RPS6KA2: variants seen among roughly 807,000 people sequenced by gnomAD.
RPS6KA2 encodes the protein ribosomal protein S6 kinase A2, also known as ribosomal protein S6 kinase alpha-2.
In RPS6KA2, 42 loss-of-function variants were observed where a neutral mutation model predicts 91.8. The ratio of observed to expected loss-of-function variants is 0.46; its 90% confidence interval spans 0.36 to 0.59. The LOEUF is 0.59. Ranked by LOEUF, RPS6KA2 falls within the 20% of genes least tolerant of loss-of-function variation. RPS6KA2 has a pLI of 0.00. For missense variants in RPS6KA2, 798 were observed against 978.5 expected (o/e 0.82, Z 2.46); for synonymous variants, 414 against 393.6 (o/e 1.05, Z -0.61).
rs553704752 is a variant in RPS6KA2 at position 166,623,661 on chromosome 6, G to A, written c.99+3260C>T. 2.6e-4 allele frequency among the ~76,000 whole-genome samples: 39 copies of A among 152,288 alleles called. No individual in the cohort carries two copies. The South Asian group carries it at 6.4e-3, about 25-fold the overall frequency. On this transcript the variant is annotated intron_variant, in intron 1 of 20. Coordinates refer to ENST00000265678, the MANE Select transcript of RPS6KA2 (RefSeq NM_021135.6). ...AGGTTACTCTGCCCAGCAATGTGTC[G>A]TGGTTCTTAGGCAATACTGTCAATG...
At chr6:166,745,500 A>T (rs527752102) in intron 2 of RPS6KA2, among the ~76,000 whole-genome samples, 1 of 152,202 alleles carries the variant, frequency 6.6e-6, no homozygotes, top group South Asian at 2.1e-4. Flanking sequence ...ACAAGGGCCC[A>T]CCTTCAAGAC....
intron 10 of RPS6KA2, among the ~76,000 whole-genome samples, chr6:166,475,992 C>A (rs1780959167): frequency 6.6e-6 from 1 of 152,196 alleles, no homozygotes. Flanking sequence ...AAGCCCTAAT[C>A]CCCAATATCC....
In RPS6KA2 at chr6:166,451,154, C is replaced by A. The variant is rs761950699; in HGVS notation, c.1155G>T (p.Gln385His). The change falls in exon 13 of 21, where the codon CAG (glutamine) becomes CAT (histidine). Residue 385 changes from glutamine to histidine, a missense_variant. Coordinates refer to ENST00000265678, the MANE Select transcript of RPS6KA2 (RefSeq NM_021135.6). ...TGTGCAGATCTTGCTGTGAGGGCTC[C>A]TGGATCAGGCTTGAGGCCACAAAGC... ...GFSFVASSLI[Q>H]EPSQQDLHKV... 6.2e-7 allele frequency: 1 copy of A among 1,614,070 alleles called. No homozygotes were observed. The highest frequency in any genetic ancestry group is 1.7e-5 in the Admixed American group (1 of 60,022).
chr6:166,707,853 C>G (rs1350997624), intron 2 of RPS6KA2, among the ~76,000 whole-genome samples: 1 of 152,140 alleles, frequency 6.6e-6, no homozygotes, highest in Non-Finnish European at 1.5e-5. Flanking sequence ...AAGCAATCCT[C>G]CCGCCTCAGC....
chr6:166,571,179 G>A (rs981852961), intron 1 of RPS6KA2, among the ~76,000 whole-genome samples: 11 of 152,196 alleles, frequency 7.2e-5, no homozygotes, highest in African/African-American at 2.2e-4. Flanking sequence ...AACAGTAAGC[G>A]CGGGACCAAC....
chr6:166,794,472 G>A (rs75217888), intron 2 of RPS6KA2, among the ~76,000 whole-genome samples: 148,413 of 151,592 alleles, frequency 0.98, 72,730 homozygotes, highest in East Asian at 1. Context: ...CTAGAACTAG[G>A]AATACCGTTT....
chr6:166,590,761 TAA>T (rs903661297), intron 1 of RPS6KA2, among the ~76,000 whole-genome samples: 1 of 148,794 alleles, frequency 6.7e-6, no homozygotes, highest in African/African-American at 2.5e-5. Flanking sequence ...TTTAAAAAAT[TAA>T]AAAAAAAACC....
In RPS6KA2 at chr6:166,423,517, T is replaced by A; in HGVS notation, c.1582-100A>T. 8.3e-7 allele frequency: 1 copy of A among 1,198,434 alleles called. No homozygotes were observed. The highest frequency in any genetic ancestry group is 1.2e-6 in the Non-Finnish European group (1 of 854,926). The allele number at this position is 1,198,434 out of a possible 1,614,324, so 74.2% of individuals were successfully genotyped here. A position where few individuals can be genotyped will look rare whatever the true frequency, so the allele number is the denominator to read the frequency against. ...GGGGAGGGTGCATTTGGGAACTGTC[T>A]TCCTAGCAGGTCCTGCAAGCAGGCA... On this transcript the variant is annotated intron_variant, in intron 16 of 20. Transcript: ENST00000265678. This position sits in a 1 kb window ranked among gnomAD's most constrained non-coding sequence, Gnocchi z 4.8.
chr6:166,502,197 A>G (rs1782051790), intron 6 of RPS6KA2, among the ~76,000 whole-genome samples: 1 of 152,212 alleles, frequency 6.6e-6, no homozygotes. Context: ...AACGTGGTGA[A>G]AACTGTAAAA....
chr6:166,451,403 T>G (rs538227915), intron 12 of RPS6KA2, among the ~76,000 whole-genome samples, 170 bp from the exon 13 acceptor site: 44 of 150,728 alleles, frequency 2.9e-4, no homozygotes, highest in Non-Finnish European at 5.2e-4. Flanking sequence ...AAAACAGACA[T>G]GTAGAAATGC....
At chr6:166,578,550 A>C (rs1282058509) in intron 1 of RPS6KA2, among the ~76,000 whole-genome samples, 2 of 152,240 alleles carry the variant, frequency 1.3e-5, no homozygotes, top group Non-Finnish European at 2.9e-5. Context: ...AATGCAGAAG[A>C]AAGCAAGCAT....
chr6:166,667,278 A>C (rs1788342500), intron 2 of RPS6KA2, among the ~76,000 whole-genome samples: 1 of 152,212 alleles, frequency 6.6e-6, no homozygotes, highest in African/African-American at 2.4e-5. Flanking sequence ...ATAATTAAAA[A>C]TTTTTAAGTG....
chr6:166,680,582 G>A lies in RPS6KA2; in HGVS notation c.124-141798C>T, dbSNP rs77796399. On this transcript the variant is annotated intron_variant, in intron 2 of 21. Transcript: ENST00000503859. ...TTGCAGCTTCACTCCTGAAGCCAGTGACAGCACGAGCCCGCCAGGAGGGAC... is the reference window on the plus strand; with the variant it reads ...TTGCAGCTTCACTCCTGAAGCCAGTAACAGCACGAGCCCGCCAGGAGGGAC... 2.8e-4 allele frequency among the ~76,000 whole-genome samples: 43 copies of A among 152,300 alleles called. No homozygotes were observed. In the East Asian group the frequency reaches 8.3e-3, roughly 29 times the overall value.
At chr6:166,531,877 CTG>C (rs899673345) in intron 2 of RPS6KA2, among the ~76,000 whole-genome samples, 27 of 152,056 alleles carry the variant, frequency 1.8e-4, no homozygotes, top group Admixed American at 3.9e-4. Context: ...ATGTGTATCA[CTG>C]AGAAAAACAA....
chr6:166,673,732 A>ATT (rs1473146262), intron 2 of RPS6KA2, among the ~76,000 whole-genome samples: 4 of 152,100 alleles, frequency 2.6e-5, no homozygotes, highest in African/African-American at 9.7e-5. Flanking sequence ...TTCTTTTGTG[A>ATT]TTTTTCTTTT....
At chr6:166,782,229 T>C (rs1238890572) in intron 2 of RPS6KA2, among the ~76,000 whole-genome samples, 1 of 151,886 alleles carries the variant, frequency 6.6e-6, no homozygotes, top group Non-Finnish European at 1.5e-5. Flanking sequence ...GAGGAGGAGG[T>C]TGCAGTGAGC....
chr6:166,489,910 C>T (rs1025427018), intron 9 of RPS6KA2, among the ~76,000 whole-genome samples: 2 of 151,988 alleles, frequency 1.3e-5, no homozygotes, highest in Non-Finnish European at 2.9e-5. Context: ...GGACAAACAG[C>T]TTTATGACTC....
intron 1 of RPS6KA2, among the ~76,000 whole-genome samples, chr6:166,565,157 G>C (rs1418832390): frequency 1.3e-5 from 2 of 152,208 alleles, no homozygotes; most frequent in African/African-American, 4.8e-5. Context: ...GCTGGGGCCA[G>C]TGCTCGGCCT....
chr6:166,761,468 T>A (rs1778168997), intron 2 of RPS6KA2, among the ~76,000 whole-genome samples: 1 of 152,276 alleles, frequency 6.6e-6, no homozygotes, highest in African/African-American at 2.4e-5. Flanking sequence ...CAGCTATTAC[T>A]GTGTATTGGC....
Sources: gnomAD v4.1 joint callset for allele counts (sites outside exome capture counted in the v4.1 genomes callset) on GRCh38, gnomAD v4.1.1 for gene constraint, Gnocchi (gnomAD v3.1) non-coding constraint, MANE v1.5 for transcripts, NCBI Gene and HGNC (gene_info 2026-07-23, HGNC 2026-07-21) for gene names.